Variants in KIF23 observed in about 807,000 individuals in gnomAD.
KIF23 encodes the protein kinesin-like protein KIF23.
In KIF23, 30 loss-of-function variants were observed where a neutral mutation model predicts 137.5. The ratio of observed to expected loss-of-function variants is 0.22; its 90% CI spans 0.16 to 0.30. KIF23 has a LOEUF of 0.30. KIF23 is among the 10% of genes least tolerant of loss of function. The pLI is 1.00. For missense variants in KIF23, 920 were observed against 1,194.3 expected (o/e 0.77, Z 3.38); for synonymous variants, 367 against 391.1 (o/e 0.94, Z 0.73).
intron 19 of KIF23, among the ~76,000 whole-genome samples, chr15:69,443,413 A>G (rs2057672483): frequency 7.9e-6 from 1 of 127,178 alleles, no homozygotes; most frequent in African/African-American, 3.0e-5. Context: ...ATCTAGGCTC[A>G]CTGCAGCCTT....
chr15:69,416,242 C>G (rs1268269934), intron 2 of KIF23, among the ~76,000 whole-genome samples, 179 bp downstream of exon 2: 1 of 152,166 alleles, frequency 6.6e-6, no homozygotes, highest in East Asian at 1.9e-4. Flanking sequence ...GAAATTTTCT[C>G]TATAAGATTA....
rs557418349 is a variant in KIF23, at chr15:69,437,540, A to G, written c.1598-708A>G. ...CAATGGCGCAATCTCGGCTCACTGC[A>G]ACCTCCGCCTCCTGGGTTCAAGCGA... On this transcript the variant is annotated intron_variant, in intron 15 of 23. Coordinates refer to ENST00000679126, the MANE Select transcript of KIF23 (RefSeq NM_001367805.3). Among the ~76,000 whole-genome samples, 376 of 145,998 alleles carry G rather than the reference A, an allele frequency of 2.6e-3. 1 individual carries two copies. The highest frequency in any genetic ancestry group is 7.1e-3 in the African/African-American group (279 of 39,186).
At chr15:69,445,323 C>T (rs1487749230) in intron 20 of KIF23, among the ~76,000 whole-genome samples, 1 of 152,070 alleles carries the variant, frequency 6.6e-6, no homozygotes, top group Non-Finnish European at 1.5e-5. Context: ...TTAGTTTTAA[C>T]CACTACTTAA....
Position 69,426,136 on chromosome 15 carries a change from A to C in KIF23, c.843A>C (p.Glu281Asp). 6.2e-7 allele frequency: 1 copy of C among 1,609,662 alleles called. No individual in the cohort carries two copies. The change falls in exon 9 of 24, where the codon GAA becomes GAC. Residue 281 changes from glutamate (E) to aspartate (D), a missense_variant. Transcript: ENST00000679126. ...ACATGTATGTTGCAGGATGTACAGA[A>C]GTTGAAGTGAAATCTACTGAGGAGG... ...NHNMYVAGCT[E>D]VEVKSTEEAF...
In KIF23 at chr15:69,440,505, G is replaced by T; in HGVS notation, c.2109+18G>T. On this transcript the variant is annotated intron_variant, in intron 18 of 23. Transcript: ENST00000679126. Reference sequence around the variant, plus strand: ...CTGTGCCTGTAAGTTATTTGTAATTGTGTAGTAACTTTGTACTAGAGAAAT... The same window carrying T: ...CTGTGCCTGTAAGTTATTTGTAATTTTGTAGTAACTTTGTACTAGAGAAAT... 6.3e-7 allele frequency: 1 copy of T among 1,587,232 alleles called. No individual in the cohort carries two copies. Among genetic ancestry groups the T allele is most frequent in the East Asian group, 2.2e-5 (1 of 44,572 alleles).
chr15:69,435,153 A>T, intron 11 of KIF23: 1 of 457,178 alleles, frequency 2.2e-6, no homozygotes, highest in Non-Finnish European at 3.9e-6. Context: ...TTTTAATATG[A>T]GGATATTAAA....
chr15:69,447,814 A>G lies in KIF23; in HGVS notation c.*7A>G. ...TAGGCGCAAAAAGCCATGAACTGAC[A>G]GTCCCAGTACTGAAAGAACATTTTC... On this transcript the variant is annotated 3_prime_UTR_variant, in exon 24 of 24. Coordinates refer to ENST00000679126, the MANE Select transcript of KIF23 (RefSeq NM_001367805.3). 2 of 1,609,962 alleles carry G rather than the reference A, an allele frequency of 1.2e-6. No individual in the cohort carries two copies. Among genetic ancestry groups the G allele is most frequent in the South Asian group, 1.1e-5 (1 of 90,532 alleles).
Position 69,446,041 on chromosome 15 carries a change from A to G in KIF23, c.2706A>G (p.Gln902=). ...GDIYKTRGGG[Q]SVQFTDIETL... ...TTTATAAAACAAGGGGTGGTGGACAATCTGTTCAGTTTACTGATATTGAGA... is the reference window on the plus strand; with the variant it reads ...TTTATAAAACAAGGGGTGGTGGACAGTCTGTTCAGTTTACTGATATTGAGA... The change falls in exon 21 of 24, where the codon CAA becomes CAG. Residue 902 remains glutamine, a synonymous_variant. Transcript: ENST00000679126. The G allele has an allele frequency of 6.2e-7, 1 of 1,613,878 alleles. No homozygotes were observed. Among genetic ancestry groups the G allele is most frequent in the Non-Finnish European group, 8.5e-7 (1 of 1,179,838 alleles).
At chr15:69,416,168 A>G in intron 2 of KIF23, 105 bp downstream of exon 2, 1 of 670,518 alleles carries the variant, frequency 1.5e-6, no homozygotes, top group Non-Finnish European at 2.4e-6. Flanking sequence ...GACATGTGGA[A>G]GTATAATCAA....
intron 4 of KIF23, 78 bp from the exon 5 acceptor site, chr15:69,421,914 T>A (rs1595983702): frequency 6.5e-7 from 1 of 1,535,928 alleles, no homozygotes. Context: ...TAATTGTTAG[T>A]GTTTTCTAAT....
At chr15:69,428,274 G>T (rs951255820) in intron 10 of KIF23, among the ~76,000 whole-genome samples, 1 of 151,300 alleles carries the variant, frequency 6.6e-6, no homozygotes, top group Admixed American at 6.6e-5. Context: ...ATGGTTATAA[G>T]TCAGCCTTCC....
intron 16 of KIF23, 106 bp from the exon 17 acceptor site, chr15:69,439,797 GT>G: frequency 1.3e-6 from 1 of 780,054 alleles, no homozygotes; most frequent in Non-Finnish European, 1.9e-6. Context: ...TCTCCATGAT[GT>G]TTCTTTCCAC....
chr15:69,425,327 T>C lies in KIF23; in HGVS notation c.776+4T>C. 4 of 1,535,484 alleles carry C rather than the reference T, an allele frequency of 2.6e-6. No individual in the cohort carries two copies. The highest frequency in any genetic ancestry group is 3.5e-6 in the Non-Finnish European group (4 of 1,146,374). On this transcript the variant is annotated splice_donor_region_variant and intron_variant, in intron 8 of 23. Coordinates refer to ENST00000679126, the MANE Select transcript of KIF23 (RefSeq NM_001367805.3). ...CCATGAGGAACACAGATTTTGTGTA[T>C]GTGATGGTGTTGGCTCTTTTCTTAA...
chr15:69,415,204 G>A (rs1260958617), intron 1 of KIF23, among the ~76,000 whole-genome samples: 1 of 152,172 alleles, frequency 6.6e-6, no homozygotes, highest in Non-Finnish European at 1.5e-5. Flanking sequence ...AGAGGCCGAA[G>A]TCAAAATCTT....
chr15:69,430,775 TG>T (rs770515713), intron 11 of KIF23, among the ~76,000 whole-genome samples: 2 of 152,168 alleles, frequency 1.3e-5, no homozygotes, highest in Non-Finnish European at 2.9e-5. Flanking sequence ...GAAGGAATAA[TG>T]TTAGCTGCCA....
At chr15:69,420,188 C>A (rs769339460) in intron 3 of KIF23, among the ~76,000 whole-genome samples, 1 of 151,968 alleles carries the variant, frequency 6.6e-6, no homozygotes, top group African/African-American at 2.4e-5. Context: ...TGCTTGAACC[C>A]AGGAGGCAGA....
At position 69,423,183 on chromosome 15, in the gene KIF23, A is replaced by C. The variant is rs1168194828; in HGVS notation, c.588A>C (p.Ala196=). 1.3e-6 allele frequency: 2 copies of C among 1,598,292 alleles called. No homozygotes were observed. The highest frequency in any genetic ancestry group is 2.7e-5 in the African/African-American group (2 of 74,014). The part of the protein sequence containing the change: ...SSKRQVDPEF[A]DMITVQEFCK... ...GACGACAAGTAGATCCAGAGTTTGC[A>C]GATATGATAACTGTACAAGAATTCT... The change falls in exon 7 of 24, where the codon GCA becomes GCC. Residue 196 remains alanine (A), a synonymous_variant. Transcript: ENST00000679126.
At chr15:69,438,485 G>A (rs554602441) in intron 16 of KIF23, 80 bp downstream of exon 16, 37 of 1,334,820 alleles carry the variant, frequency 2.8e-5, no homozygotes, top group Middle Eastern at 4.7e-4. Flanking sequence ...GTGCTCCAAC[G>A]GCCTGTAAAT....
chr15:69,426,108 A>G lies in KIF23; in HGVS notation c.815A>G (p.His272Arg), dbSNP rs368243059. 3.1e-6 allele frequency: 5 copies of G among 1,603,078 alleles called. No individual in the cohort carries two copies. Among genetic ancestry groups the G allele is most frequent in the African/African-American group, 2.7e-5 (2 of 74,076 alleles). ...AAATTGCTTCGTGAAGATAAGAACC[A>G]TAACATGTATGTTGCAGGATGTACA... is the stretch of plus-strand genomic sequence containing the variant. ...QSKLLREDKN[H>R]NMYVAGCTEV... The change falls in exon 9 of 24, where the codon CAT becomes CGT. Residue 272 changes from histidine to arginine, a missense_variant. His to Arg is a conservative substitution (Grantham distance 29, BLOSUM62 0). Around this residue, in one of 4 missense-constraint regions of KIF23, gnomAD observed 714 missense variants for 866.2 expected, o/e 0.82. Coordinates refer to ENST00000679126, the MANE Select transcript of KIF23 (RefSeq NM_001367805.3).
Sources: allele counts gnomAD v4.1 joint callset (sites outside exome capture counted in the v4.1 genomes callset), GRCh38; gene constraint gnomAD v4.1.1; regional missense constraint gnomAD v4.1.1; transcripts MANE v1.5; gene names NCBI Gene and HGNC (gene_info 2026-07-23, HGNC 2026-07-21).